Variants in NELL1 observed in about 807,000 individuals in gnomAD.
NELL1 encodes the protein neural EGFL like 1.
Under a neutral mutation model 107.4 loss-of-function variants are expected in NELL1, and 76 were observed. The ratio of observed to expected loss-of-function variants is 0.71; its 90% CI spans 0.59 to 0.86. The LOEUF (loss-of-function observed/expected upper bound fraction) is 0.86, where lower values mean the gene tolerates loss of function less well. Ranked by LOEUF, NELL1 falls within the 40% of genes least tolerant of loss-of-function variation. NELL1 has a pLI of 0.00. For missense variants in NELL1, 1,024 were observed against 1,005.5 expected, an observed-to-expected ratio of 1.02 and a Z score of -0.25; for synonymous variants, 353 against 341.2, an observed-to-expected ratio of 1.03 and a Z score of -0.38.
chr11:21,337,042 A>G (rs1850418287), intron 14 of NELL1, among the ~76,000 whole-genome samples: 1 of 152,058 alleles, frequency 6.6e-6, no homozygotes, highest in South Asian at 2.1e-4. Context: ...TTTTCTGTAA[A>G]TTGTTGAAAT....
chr11:21,321,599 G>A (rs1850012427), intron 14 of NELL1, among the ~76,000 whole-genome samples: 1 of 152,152 alleles, frequency 6.6e-6, no homozygotes, highest in African/African-American at 2.4e-5. Flanking sequence ...GCTGAAAATT[G>A]TACTAAATTC....
intron 2 of NELL1, among the ~76,000 whole-genome samples, chr11:20,758,310 G>T (rs147861222): frequency 6.6e-6 from 1 of 151,994 alleles, no homozygotes; most frequent in East Asian, 1.9e-4. Flanking sequence ...TCATGGTGTC[G>T]CCTGATTCAG....
chr11:20,780,443 T>C (rs1304957960), intron 2 of NELL1, among the ~76,000 whole-genome samples: 1 of 152,202 alleles, frequency 6.6e-6, no homozygotes, highest in African/African-American at 2.4e-5. Context: ...GAAAATACAT[T>C]AATTAATTCA....
chr11:20,812,906 G>A (rs1038006006), intron 3 of NELL1, among the ~76,000 whole-genome samples: 3 of 149,800 alleles, frequency 2.0e-5, no homozygotes, highest in African/African-American at 7.4e-5. Flanking sequence ...TACTCGGGAG[G>A]CTGAGGCAGG....
chr11:20,911,778 G>A (rs982016782), intron 5 of NELL1, among the ~76,000 whole-genome samples: 1 of 152,180 alleles, frequency 6.6e-6, no homozygotes, highest in South Asian at 2.1e-4. Flanking sequence ...CCATGGGGCA[G>A]CTTTCAAAAC....
intron 17 of NELL1, among the ~76,000 whole-genome samples, chr11:21,566,187 C>T (rs1450769164): frequency 2.0e-5 from 3 of 151,732 alleles, no homozygotes; most frequent in Admixed American, 1.3e-4. Flanking sequence ...GAATTTGTAC[C>T]GTGGGCATCC....
rs544772934 is a variant in NELL1, at chr11:20,920,088, G to A, written c.759+754G>A. Among the ~76,000 whole-genome samples the A allele has an allele frequency of 3.9e-5, 6 of 152,206 alleles. 1 individual carries two copies. The South Asian group carries it at 8.3e-4, about 21-fold the overall frequency. ...GTGTATATTCATAATGAAAAGCCCTGAGCCTTGTTGAAAAAGACACTGAAA... is the reference window on the plus strand; with the variant it reads ...GTGTATATTCATAATGAAAAGCCCTAAGCCTTGTTGAAAAAGACACTGAAA... On this transcript the variant is annotated intron_variant, in intron 7 of 19. Coordinates refer to ENST00000357134, the MANE Select transcript of NELL1 (RefSeq NM_006157.5).
chr11:21,290,125 T>C (rs1849216855), intron 14 of NELL1, among the ~76,000 whole-genome samples: 1 of 151,736 alleles, frequency 6.6e-6, no homozygotes, highest in Non-Finnish European at 1.5e-5. Context: ...ATCCCAGCAC[T>C]TTGGGAGGCC....
At chr11:21,105,864 C>CTTCCCCTCT (rs1407061847) in intron 12 of NELL1, among the ~76,000 whole-genome samples, 2,877 of 11,938 alleles carry the variant, frequency 0.24, 800 homozygotes, top group South Asian at 0.4. Flanking sequence ...TCTCCCCTCC[C>CTTCCCCTCT]CCTCCCCTTC....
At chr11:20,885,272 G>A (rs576874388) in intron 4 of NELL1, among the ~76,000 whole-genome samples, 172 bp from the exon 5 acceptor site, 1 of 152,210 alleles carries the variant, frequency 6.6e-6, no homozygotes, top group African/African-American at 2.4e-5. Context: ...GGGCCCAGAT[G>A]ATGTGTCCAA....
chr11:21,070,994 T>A lies in NELL1; in HGVS notation c.1301-42595T>A, dbSNP rs1445740453. Among the ~76,000 whole-genome samples the A allele has an allele frequency of 3.3e-5, 5 of 152,328 alleles. No homozygotes were observed. In the East Asian group the frequency reaches 9.6e-4, roughly 29 times the overall value. Reference sequence around the variant, plus strand: ...CCCATTGTAAAGACGCTAAGCATTTTAAGTGCTAACCTTGTTTTTAGCCCT... The same window carrying A: ...CCCATTGTAAAGACGCTAAGCATTTAAAGTGCTAACCTTGTTTTTAGCCCT... On this transcript the variant is annotated intron_variant, in intron 12 of 19. Transcript: ENST00000357134.
At chr11:21,272,879 C>T (rs1848770023) in intron 14 of NELL1, among the ~76,000 whole-genome samples, 1 of 152,142 alleles carries the variant, frequency 6.6e-6, no homozygotes, top group Admixed American at 6.5e-5. Context: ...ACAGAAAGGA[C>T]ATCCACACCA....
chr11:20,945,372 G>A (rs1328214556), intron 10 of NELL1, among the ~76,000 whole-genome samples: 2 of 152,340 alleles, frequency 1.3e-5, no homozygotes, highest in African/African-American at 2.4e-5. Context: ...CTGGCTTTGG[G>A]TCATACGCAT....
At chr11:21,402,288 C>A (rs1040537305) in intron 15 of NELL1, among the ~76,000 whole-genome samples, 2 of 151,818 alleles carry the variant, frequency 1.3e-5, no homozygotes, top group South Asian at 4.1e-4. Context: ...CTTTTCCTCA[C>A]ACTCTTCTCA....
At chr11:21,414,275 T>A (rs1017548602) in intron 15 of NELL1, among the ~76,000 whole-genome samples, 1 of 152,062 alleles carries the variant, frequency 6.6e-6, no homozygotes, top group African/African-American at 2.4e-5. Context: ...CTGATGGAAC[T>A]GATGGTACTT....
intron 4 of NELL1, among the ~76,000 whole-genome samples, chr11:20,868,412 T>A (rs897267886): frequency 4.4e-4 from 67 of 152,294 alleles, no homozygotes; most frequent in African/African-American, 1.6e-3. Flanking sequence ...TATTGCTTAA[T>A]GGTTATAGGG....
At chr11:21,573,816 C>A (rs1857159605) in intron 19 of NELL1, among the ~76,000 whole-genome samples, 1 of 149,188 alleles carries the variant, frequency 6.7e-6, no homozygotes, top group African/African-American at 2.6e-5. Flanking sequence ...AACCAGTCAA[C>A]TTCCTTTCAT....
At chr11:21,446,342 G>C (rs1853427438) in intron 15 of NELL1, among the ~76,000 whole-genome samples, 1 of 151,808 alleles carries the variant, frequency 6.6e-6, no homozygotes, top group Admixed American at 6.6e-5. Flanking sequence ...TTTTTCCCTG[G>C]TGCCTTATTC....
intron 2 of NELL1, among the ~76,000 whole-genome samples, chr11:20,757,259 C>T (rs1223271813): frequency 1.3e-5 from 2 of 151,842 alleles, no homozygotes; most frequent in Non-Finnish European, 1.5e-5. Context: ...GCAATAATCA[C>T]CACTATTTCC....
Sources: allele counts gnomAD v4.1 joint callset (sites outside exome capture counted in the v4.1 genomes callset), GRCh38; gene constraint gnomAD v4.1.1; transcripts MANE v1.5; gene names NCBI Gene and HGNC (gene_info 2026-07-23, HGNC 2026-07-21).